Variants in SMARCC1 observed in about 807,000 individuals in gnomAD.
SMARCC1 encodes the protein SWI/SNF related BAF chromatin remodeling complex subunit C1, also known as SWI/SNF complex subunit SMARCC1.
SMARCC1 carries 43 observed loss-of-function variants against 147.4 expected under a neutral mutation model. The observed-to-expected ratio is 0.29, with a 90% CI of 0.23 to 0.38. The LOEUF is 0.38. Ranked by LOEUF, SMARCC1 falls within the 10% of genes least tolerant of loss-of-function variation. The probability of loss-of-function intolerance (pLI) is 1.00; values close to 1 mark genes in which losing one functional copy is unlikely to be tolerated. For missense variants in SMARCC1, 1,119 were observed against 1,381.1 expected, an observed-to-expected ratio of 0.81 and a Z score of 3.01; for synonymous variants, 495 against 484.4, an observed-to-expected ratio of 1.02 and a Z score of -0.29.
At chr3:47,662,708 TAGAA>T in intron 19 of SMARCC1, 116 bp from the exon 20 acceptor site, 2 of 795,356 alleles carry the variant, frequency 2.5e-6, no homozygotes, top group Non-Finnish European at 2.0e-6. Context: ...TATGCATAAA[TAGAA>T]AGATTTGATG....
intron 5 of SMARCC1, among the ~76,000 whole-genome samples, chr3:47,735,171 A>C (rs1475290855): frequency 6.6e-6 from 1 of 152,082 alleles, no homozygotes; most frequent in East Asian, 1.9e-4. Context: ...TATGTTACCA[A>C]CTCTATTTGA....
chr3:47,627,503 C>T, intron 24 of SMARCC1, among the ~76,000 whole-genome samples: 1 of 152,076 alleles, frequency 6.6e-6, no homozygotes, highest in Non-Finnish European at 1.5e-5. Flanking sequence ...TTGAATAAAA[C>T]ATTATTTCTC....
intron 18 of SMARCC1, among the ~76,000 whole-genome samples, chr3:47,675,171 TG>T (rs1297006813): frequency 1.3e-5 from 2 of 152,242 alleles, no homozygotes; most frequent in African/African-American, 4.8e-5. Context: ...ACCTGTCTTC[TG>T]CTGTATGCAG....
chr3:47,662,259 T>C, intron 20 of SMARCC1, 75 bp downstream of exon 20: 3 of 1,205,616 alleles, frequency 2.5e-6, no homozygotes, highest in Non-Finnish European at 3.6e-6. Context: ...AAGAAATGAA[T>C]GTAACGGCTG....
In SMARCC1 at chr3:47,676,669, G is replaced by T. The variant is rs2033578510; in HGVS notation, c.1685C>A (p.Thr562Asn). Residue 562 changes from threonine (T) to asparagine (N), a missense_variant, in exon 17 of 28, where the codon ACC becomes AAC. Thr to Asn is a moderately conservative substitution (Grantham distance 65, BLOSUM62 0). This residue lies in a region of SMARCC1 where 178 missense variants were observed against 264.6 expected (regional missense o/e 0.67). Coordinates refer to ENST00000254480, the MANE Select transcript of SMARCC1 (RefSeq NM_003074.4). Reference protein sequence around the residue: ...PTPHFNVLADTPSGLVPLHLR... With the variant: ...PTPHFNVLADNPSGLVPLHLR... The stretch of plus-strand genomic sequence containing the variant: ...ATGCAGAGGCACAAGCCCAGAGGGG[G>T]TATCAGCTAATACATTAAAATGAGG... 1 of 1,613,796 alleles carries T rather than the reference G, an allele frequency of 6.2e-7. No individual in the cohort carries two copies. The highest frequency in any genetic ancestry group is 8.5e-7 in the Non-Finnish European group (1 of 1,179,780).
At chr3:47,653,793 T>G (rs1467254787) in intron 21 of SMARCC1, among the ~76,000 whole-genome samples, 2 of 152,204 alleles carry the variant, frequency 1.3e-5, no homozygotes, top group Non-Finnish European at 2.9e-5. Context: ...CAAATTCTGT[T>G]GCTGCAATTA....
intron 18 of SMARCC1, 124 bp from the exon 19 acceptor site, chr3:47,670,841 C>A: frequency 1.4e-6 from 1 of 697,648 alleles, no homozygotes; most frequent in Admixed American, 2.3e-5. Context: ...CTTTGACTAA[C>A]AGGAATAAAA....
chr3:47,717,174 G>A (rs1185855181), intron 7 of SMARCC1, among the ~76,000 whole-genome samples: 2 of 152,078 alleles, frequency 1.3e-5, no homozygotes, highest in Admixed American at 6.5e-5. Context: ...TGCAAAACCT[G>A]ATGTTTTATG....
chr3:47,625,101 A>G (rs1189730627), intron 24 of SMARCC1, among the ~76,000 whole-genome samples: 1 of 151,996 alleles, frequency 6.6e-6, no homozygotes, highest in Admixed American at 6.6e-5. Context: ...GATAATGTGC[A>G]TGCAGAGACT....
intron 19 of SMARCC1, among the ~76,000 whole-genome samples, chr3:47,668,112 C>CA (rs1430011353): frequency 2.0e-5 from 3 of 152,088 alleles, no homozygotes; most frequent in Non-Finnish European, 1.5e-5. Context: ...AGAGTGGCTC[C>CA]ATTATCTCTC....
chr3:47,710,622 T>G (rs2034073487), intron 9 of SMARCC1, 61 bp downstream of exon 9: 1 of 1,549,242 alleles, frequency 6.5e-7, no homozygotes, highest in South Asian at 1.2e-5. Flanking sequence ...TGATGAAGAT[T>G]TAATAACATT....
chr3:47,696,235 G>A (rs546697040), intron 11 of SMARCC1, among the ~76,000 whole-genome samples: 4 of 151,298 alleles, frequency 2.6e-5, no homozygotes, highest in Admixed American at 1.3e-4. Flanking sequence ...TTAGCCAGGC[G>A]TGGTGGCGGG....
chr3:47,630,905 A>T (rs2032879618), intron 24 of SMARCC1, among the ~76,000 whole-genome samples: 1 of 152,100 alleles, frequency 6.6e-6, no homozygotes, highest in Non-Finnish European at 1.5e-5. Flanking sequence ...TCTACAAAAA[A>T]TTTTAAAATT....
chr3:47,602,283 C>A (rs1473161491), intron 26 of SMARCC1, among the ~76,000 whole-genome samples: 1 of 152,054 alleles, frequency 6.6e-6, no homozygotes, highest in African/African-American at 2.4e-5. Flanking sequence ...CACAGCAAAA[C>A]CCTGTCTCAA....
chr3:47,725,676 T>G (rs1576423112), intron 6 of SMARCC1, among the ~76,000 whole-genome samples: 1 of 148,274 alleles, frequency 6.7e-6, no homozygotes, highest in South Asian at 2.4e-4. Context: ...GGTCTCAAAA[T>G]CCTGGCCTCA....
At chr3:47,718,684 C>T (rs1357760730) in intron 7 of SMARCC1, among the ~76,000 whole-genome samples, 3 of 151,288 alleles carry the variant, frequency 2.0e-5, no homozygotes, top group Non-Finnish European at 4.4e-5. Flanking sequence ...ATCAACTGTA[C>T]CCCAATAACT....
chr3:47,633,817 C>CACACACACACAT lies in SMARCC1; in HGVS notation c.2646+1372_2646+1373insATGTGTGTGTGT, dbSNP rs1406763088. Among the ~76,000 whole-genome samples, 1,089 of 125,236 alleles carry CACACACACACAT rather than the reference C, an allele frequency of 8.7e-3. 16 individuals carry two copies. Among genetic ancestry groups the CACACACACACAT allele is most frequent in the Non-Finnish European group, 0.014 (833 of 59,730 alleles). The allele number at this position is 125,236 out of a possible 152,430, so 82.2% of individuals were successfully genotyped here. Reference sequence around the variant, plus strand: ...ACACACACACACACACACACACACACATATATATAAAATGTGAGAGACTAT... The same window carrying CACACACACACAT: ...ACACACACACACACACACACACACACACACACACACATATATATATAAAATGTGAGAGACTAT... On this transcript the variant is annotated intron_variant, in intron 24 of 27. Coordinates refer to ENST00000254480, the MANE Select transcript of SMARCC1 (RefSeq NM_003074.4).
intron 14 of SMARCC1, among the ~76,000 whole-genome samples, chr3:47,681,872 G>C (rs2033648137): frequency 6.6e-6 from 1 of 151,860 alleles, no homozygotes; most frequent in Non-Finnish European, 1.5e-5. Context: ...ATTGTTACAG[G>C]TTAGGAAAGG....
At chr3:47,597,812 G>C (rs908264621) in intron 26 of SMARCC1, among the ~76,000 whole-genome samples, 7 of 152,212 alleles carry the variant, frequency 4.6e-5, no homozygotes, top group Non-Finnish European at 5.9e-5. Flanking sequence ...GAGCAAGAAG[G>C]AAGGGCGAGC....
Sources: gnomAD v4.1 joint callset for allele counts (sites outside exome capture counted in the v4.1 genomes callset) on GRCh38, gnomAD v4.1.1 for gene constraint, gnomAD v4.1.1 regional missense constraint, MANE v1.5 for transcripts, NCBI Gene and HGNC (gene_info 2026-07-23, HGNC 2026-07-21) for gene names.